The following TMEM165 variants were observed in gnomAD, a reference collection of about 807,000 sequenced individuals.
The protein encoded by TMEM165 is transmembrane protein 165.
In TMEM165, 19 loss-of-function variants were observed where a neutral mutation model predicts 30.0. The ratio of observed to expected loss-of-function variants is 0.63; its 90% CI spans 0.44 to 0.93. The LOEUF (loss-of-function observed/expected upper bound fraction) is 0.93. TMEM165 is among the 40% of genes least tolerant of loss of function. The pLI is 0.00. For synonymous variants in TMEM165, 168 were observed against 162.9 expected (o/e 1.03, Z -0.24); for missense variants, 340 against 417.0 (o/e 0.82, Z 1.61).
intron 2 of TMEM165, among the ~76,000 whole-genome samples, chr4:55,413,244 T>C (rs1259420136): frequency 6.6e-6 from 1 of 152,174 alleles, no homozygotes; most frequent in Non-Finnish European, 1.5e-5. Flanking sequence ...CCTCCCAGTG[T>C]ACTGATATTA....
intron 5 of TMEM165, among the ~76,000 whole-genome samples, chr4:55,425,032 A>G (rs1382138888): frequency 6.6e-6 from 1 of 152,236 alleles, no homozygotes; most frequent in East Asian, 1.9e-4. Context: ...AGATGGAAGA[A>G]TCGTCTCTTT....
chr4:55,420,062 C>T (rs529156155), intron 4 of TMEM165, among the ~76,000 whole-genome samples: 158 of 140,256 alleles, frequency 1.1e-3, no homozygotes, highest in Non-Finnish European at 1.8e-3. Context: ...TGCCACTGCT[C>T]TCCAGCCTAG....
At chr4:55,453,042 T>A (rs759742854) in exon 4 of TMEM165, 2 of 1,584,522 alleles carry the variant, frequency 1.3e-6, no homozygotes, top group African/African-American at 1.4e-5. Context: ...TTTTTAATTA[T>A]AAGAAACATA....
chr4:55,410,575 C>T (rs928195945), intron 1 of TMEM165, among the ~76,000 whole-genome samples: 2 of 152,094 alleles, frequency 1.3e-5, no homozygotes, highest in South Asian at 2.1e-4. Flanking sequence ...TGCCACTTTA[C>T]CTTCTAAGAT....
At chr4:55,440,439 T>C (rs931734657) in intron 3 of TMEM165, among the ~76,000 whole-genome samples, 1 of 152,210 alleles carries the variant, frequency 6.6e-6, no homozygotes, top group African/African-American at 2.4e-5. Context: ...GTTTATAACA[T>C]TGGTCATTAC....
intron 3 of TMEM165, among the ~76,000 whole-genome samples, chr4:55,451,019 T>C (rs566074812): frequency 6.6e-6 from 1 of 151,770 alleles, no homozygotes; most frequent in African/African-American, 2.4e-5. Context: ...TATACAAACA[T>C]GCTGTTATTT....
chr4:55,400,386 A>G (rs1720945053), intron 1 of TMEM165, among the ~76,000 whole-genome samples: 1 of 124,166 alleles, frequency 8.1e-6, no homozygotes, highest in African/African-American at 3.1e-5. Flanking sequence ...TATAATAATA[A>G]TAAATAATAT....
chr4:55,435,368 T>A, intron 3 of TMEM165: 1 of 1,607,940 alleles, frequency 6.2e-7, no homozygotes, highest in African/African-American at 1.3e-5. Flanking sequence ...TAACTCTTAA[T>A]GGGCCATCCC....
intron 2 of TMEM165, chr4:55,416,153 C>G (rs985084807): frequency 6.6e-6 from 1 of 152,104 alleles, no homozygotes; most frequent in Non-Finnish European, 1.5e-5. Context: ...CCGTGCCTGG[C>G]CAGAGTAATT....
chr4:55,416,648 A>T (rs1721741532), intron 2 of TMEM165, among the ~76,000 whole-genome samples: 1 of 152,182 alleles, frequency 6.6e-6, no homozygotes, highest in Non-Finnish European at 1.5e-5. Flanking sequence ...AAGATTTGTG[A>T]TGAAGAAATT....
rs75920719 is a variant in TMEM165 at position 55,401,234 on chromosome 4, T to C, written c.207+4838T>C. Among the ~76,000 whole-genome samples the C allele has an allele frequency of 2.1e-3, 316 of 150,862 alleles. 4 individuals carry two copies. The highest frequency in any genetic ancestry group is 3.2e-3 in the Non-Finnish European group (217 of 68,026). ...AGGCTAAAAAAAGGTTGGTAAGTAATATGAACTTAAAATCAAGATTAACCC... is the reference window on the plus strand; with the variant it reads ...AGGCTAAAAAAAGGTTGGTAAGTAACATGAACTTAAAATCAAGATTAACCC... On this transcript the variant is annotated intron_variant, in intron 1 of 5. Coordinates refer to ENST00000381334, the MANE Select transcript of TMEM165 (RefSeq NM_018475.5).
At chr4:55,444,534 G>C (rs764025222) in intron 3 of TMEM165, 29 of 1,378,770 alleles carry the variant, frequency 2.1e-5, no homozygotes, top group Middle Eastern at 1.8e-4. Flanking sequence ...TTGATAAAAC[G>C]TATCTCTTGC....
chr4:55,418,164 G>T (rs1214755156), intron 4 of TMEM165, 179 bp downstream of exon 4: 1 of 503,316 alleles, frequency 2.0e-6, no homozygotes, highest in Non-Finnish European at 3.3e-6. Context: ...GCTACCTGCA[G>T]GTGAAATTCT....
chr4:55,443,776 T>C, intron 3 of TMEM165: 1 of 1,614,098 alleles, frequency 6.2e-7, no homozygotes, highest in Non-Finnish European at 8.5e-7. Context: ...TGAATCTGGT[T>C]AGTAGGAACA....
In TMEM165 at chr4:55,425,783, A is replaced by C. The variant is rs187180541; in HGVS notation, c.*331A>C. On this transcript the variant is annotated 3_prime_UTR_variant, in exon 6 of 6. Transcript: ENST00000381334. ...CACTGACCCCTTTTTAAGGAATACAAATTTTCTCCTTCATCACTTAGGTGT... is the reference window on the plus strand; with the variant it reads ...CACTGACCCCTTTTTAAGGAATACACATTTTCTCCTTCATCACTTAGGTGT... 9 of 170,534 alleles carry C rather than the reference A, an allele frequency of 5.3e-5. No homozygotes were observed. Among genetic ancestry groups the C allele is most frequent in the African/African-American group, 2.1e-4 (9 of 42,422 alleles). 10.6% of individuals were successfully genotyped at this position (170,534 alleles called of 1,614,324 possible).
At chr4:55,432,481 T>C (rs1401873704) in intron 3 of TMEM165, 1 of 151,186 alleles carries the variant, frequency 6.6e-6, no homozygotes, top group African/African-American at 2.4e-5. Context: ...AGACTTTTTT[T>C]TTTTTTTTTT....
chr4:55,447,572 T>C (rs1395965795), intron 3 of TMEM165, among the ~76,000 whole-genome samples: 7 of 152,160 alleles, frequency 4.6e-5, no homozygotes, highest in Non-Finnish European at 1.0e-4. Flanking sequence ...TTTGGCTTTA[T>C]TGGTGAACAA....
intron 3 of TMEM165, chr4:55,442,217 T>G: frequency 3.6e-6 from 2 of 555,008 alleles, no homozygotes; most frequent in Non-Finnish European, 3.2e-6. Context: ...TTGTAGCATA[T>G]TTTTGGACAA....
At chr4:55,403,033 G>A (rs970433605) in intron 1 of TMEM165, among the ~76,000 whole-genome samples, 16 of 150,710 alleles carry the variant, frequency 1.1e-4, no homozygotes, top group Non-Finnish European at 4.4e-5. Context: ...CTCGTGATCC[G>A]CCCGCCTGGG....
Sources: allele counts gnomAD v4.1 joint callset (sites outside exome capture counted in the v4.1 genomes callset), GRCh38; gene constraint gnomAD v4.1.1; transcripts MANE v1.5; gene names NCBI Gene and HGNC (gene_info 2026-07-23, HGNC 2026-07-21).